PRRX2: variants seen among roughly 807,000 people sequenced by gnomAD.
PRRX2 encodes the protein paired related homeobox 2.
A neutral mutation model predicts 18.0 loss-of-function variants in PRRX2; 11 were observed. The observed-to-expected ratio is 0.61, with a 90% CI of 0.39 to 1.01. PRRX2 has a LOEUF of 1.01. Ranked by LOEUF, PRRX2 falls within the 50% of genes least tolerant of loss-of-function variation. The pLI is 0.01. For missense variants in PRRX2, 387 were observed against 351.0 expected (o/e 1.10, Z -0.82); for synonymous variants, 177 against 154.8 (o/e 1.14, Z -1.06).
chr9:129,697,827 GC>G (rs947334088), intron 1 of PRRX2, among the ~76,000 whole-genome samples: 2 of 151,906 alleles, frequency 1.3e-5, no homozygotes, highest in African/African-American at 4.8e-5. Context: ...ACGCTTCCCC[GC>G]CCCCCGAAGT....
intron 1 of PRRX2, among the ~76,000 whole-genome samples, chr9:129,697,162 G>T (rs1340905842): frequency 6.6e-6 from 1 of 152,226 alleles, no homozygotes; most frequent in Non-Finnish European, 1.5e-5. Flanking sequence ...CTAATCGGGG[G>T]TTGGATTCCC....
intron 2 of PRRX2, 36 bp downstream of exon 2, chr9:129,719,454 G>T: frequency 6.9e-7 from 1 of 1,453,808 alleles, no homozygotes; most frequent in Non-Finnish European, 9.1e-7. Flanking sequence ...GTGGGAGCGT[G>T]CGCGTGGGAG....
chr9:129,673,030 C>T (rs949347013), intron 1 of PRRX2, among the ~76,000 whole-genome samples: 1 of 152,210 alleles, frequency 6.6e-6, no homozygotes, highest in African/African-American at 2.4e-5. Flanking sequence ...TTTCCAGTAA[C>T]TGAGAGGAAG....
chr9:129,684,532 A>ACACACACACACACACACACACACCCC (rs1165343797), intron 1 of PRRX2, among the ~76,000 whole-genome samples: 8 of 140,282 alleles, frequency 5.7e-5, no homozygotes, highest in Non-Finnish European at 1.2e-4. Context: ...ACCCACACAC[A>ACACACACACACACACACACACACCCC]CCCCAACAGA....
At chr9:129,711,871 A>G (rs950795084) in intron 1 of PRRX2, among the ~76,000 whole-genome samples, 1 of 152,094 alleles carries the variant, frequency 6.6e-6, no homozygotes, top group Non-Finnish European at 1.5e-5. Context: ...TCCTCCCTCA[A>G]GCCTCCCTCA....
intron 1 of PRRX2, among the ~76,000 whole-genome samples, chr9:129,698,297 A>G (rs1362217003): frequency 1.5e-5 from 2 of 132,170 alleles, no homozygotes; most frequent in Admixed American, 8.6e-5. Context: ...CTCTGTCTCC[A>G]TGGTTCTCCA....
chr9:129,713,597 G>C (rs891193937), intron 1 of PRRX2, among the ~76,000 whole-genome samples: 1 of 152,026 alleles, frequency 6.6e-6, no homozygotes, highest in African/African-American at 2.4e-5. Flanking sequence ...GCTTGGCCAG[G>C]CCTCCCAGCA....
At chr9:129,722,071 C>T in intron 3 of PRRX2, 146 bp from the exon 4 acceptor site, 2 of 1,193,564 alleles carry the variant, frequency 1.7e-6, no homozygotes, top group South Asian at 3.0e-5. Flanking sequence ...CCAAACCCTA[C>T]AGCTCCAAAT....
chr9:129,709,579 C>A lies in PRRX2; in HGVS notation c.260-9652C>A, dbSNP rs1832596324. On this transcript the variant is annotated intron_variant, in intron 1 of 3. Transcript: ENST00000372469. The surrounding 1 kb of genome is among the most constrained non-coding windows in gnomAD (Gnocchi z 4.2). Reference sequence around the variant, plus strand: ...AGGCCGGGGAAGCCATGGGATGGGGCCCCCTGGGGACCTGTCTGACTCCTC... The same window carrying A: ...AGGCCGGGGAAGCCATGGGATGGGGACCCCTGGGGACCTGTCTGACTCCTC... Among the ~76,000 whole-genome samples the A allele has an allele frequency of 6.6e-6, 1 of 152,230 alleles. No individual in the cohort carries two copies. The highest frequency in any genetic ancestry group is 2.1e-4 in the South Asian group (1 of 4,836).
intron 1 of PRRX2, among the ~76,000 whole-genome samples, chr9:129,684,524 C>CACACACACACACACACACACACACA (rs1564147490): frequency 3.1e-4 from 14 of 45,082 alleles, no homozygotes; most frequent in African/African-American, 4.8e-4. Context: ...ACACACACAC[C>CACACACACACACACACACACACACA]CACACACACC....
intron 3 of PRRX2, among the ~76,000 whole-genome samples, chr9:129,721,619 A>C (rs1252384285): frequency 6.6e-6 from 1 of 151,926 alleles, no homozygotes; most frequent in African/African-American, 2.4e-5. Context: ...TCGCTCTGTC[A>C]CCCAGGCTGG....
At chr9:129,712,678 T>C (rs1832641526) in intron 1 of PRRX2, among the ~76,000 whole-genome samples, 1 of 152,174 alleles carries the variant, frequency 6.6e-6, no homozygotes, top group Non-Finnish European at 1.5e-5. Flanking sequence ...TCTGAGCTCG[T>C]TTCTCTCCTC....
intron 1 of PRRX2, among the ~76,000 whole-genome samples, chr9:129,704,775 G>A (rs763244518): frequency 2.0e-5 from 3 of 152,220 alleles, no homozygotes; most frequent in Non-Finnish European, 4.4e-5. Flanking sequence ...AGACCGCAGA[G>A]CTGTTTGCAG....
chr9:129,715,418 C>T lies in PRRX2; in HGVS notation c.260-3813C>T, dbSNP rs1038853969. On this transcript the variant is annotated intron_variant, in intron 1 of 3. Coordinates refer to ENST00000372469, the MANE Select transcript of PRRX2 (RefSeq NM_016307.4). The surrounding 1 kb of genome is among the most constrained non-coding windows in gnomAD (Gnocchi z 4.0). ...ACCAGTCTTGGCAACATAGTAAGAC[C>T]TCATCTCTACATTAAAATAAAAATC... 6.6e-6 allele frequency among the ~76,000 whole-genome samples: 1 copy of T among 151,978 alleles called. No individual in the cohort carries two copies. Among genetic ancestry groups the T allele is most frequent in the Non-Finnish European group, 1.5e-5 (1 of 68,016 alleles).
At chr9:129,666,158 G>GGGGCCC in intron 1 of PRRX2, 32 bp downstream of exon 1, 1 of 964,940 alleles carries the variant, frequency 1.0e-6, no homozygotes. Context: ...CGGGGGTGGC[G>GGGGCCC]GGGCCGGGGC....
At chr9:129,672,404 C>A (rs1048399180) in intron 1 of PRRX2, among the ~76,000 whole-genome samples, 2 of 152,160 alleles carry the variant, frequency 1.3e-5, no homozygotes, top group African/African-American at 4.8e-5. Flanking sequence ...AAGAGGGAAA[C>A]TGAGGTGTGA....
chr9:129,668,804 AAAG>A (rs1391106828), intron 1 of PRRX2, among the ~76,000 whole-genome samples: 4 of 150,112 alleles, frequency 2.7e-5, no homozygotes, highest in Non-Finnish European at 5.9e-5. Flanking sequence ...AAAAAGAAAG[AAAG>A]AAAAGAAAAG....
intron 1 of PRRX2, among the ~76,000 whole-genome samples, chr9:129,714,767 C>A (rs1040636630): frequency 2.0e-5 from 3 of 152,172 alleles, no homozygotes; most frequent in African/African-American, 4.8e-5. Context: ...CATTTAAACA[C>A]CCCCAGGTTT....
intron 1 of PRRX2, among the ~76,000 whole-genome samples, chr9:129,698,317 A>G (rs1382740327): frequency 6.8e-6 from 1 of 147,876 alleles, no homozygotes; most frequent in East Asian, 2.0e-4. Flanking sequence ...ACCAAAAGGA[A>G]GCGTAAGACC....
Sources: allele counts gnomAD v4.1 joint callset (sites outside exome capture counted in the v4.1 genomes callset), GRCh38; gene constraint gnomAD v4.1.1; non-coding constraint Gnocchi (gnomAD v3.1); transcripts MANE v1.5; gene names NCBI Gene and HGNC (gene_info 2026-07-23, HGNC 2026-07-21).